MTMR7: variants seen among roughly 807,000 people sequenced by gnomAD.
MTMR7 encodes the protein myotubularin related protein 7.
MTMR7 carries 76 observed loss-of-function variants against 81.2 expected under a neutral mutation model. The ratio of observed to expected loss-of-function variants is 0.94; its 90% CI spans 0.78 to 1.13. MTMR7 has a LOEUF of 1.13. MTMR7 is among the 50% of genes most tolerant of loss of function. The probability of loss-of-function intolerance (pLI) is 0.00; values close to 1 mark genes in which losing one functional copy is unlikely to be tolerated. For synonymous variants in MTMR7, 372 were observed against 289.8 expected, an observed-to-expected ratio of 1.28 and a Z score of -2.88; for missense variants, 1,044 against 820.0, an observed-to-expected ratio of 1.27 and a Z score of -3.34.
rs146970422 is a variant in MTMR7 at position 17,324,790 on chromosome 8, T to A, written c.865+6360A>T. Among the ~76,000 whole-genome samples, 712 of 152,230 alleles carry A rather than the reference T, an allele frequency of 4.7e-3. 3 individuals carry two copies. The highest frequency in any genetic ancestry group is 0.017 in the African/African-American group (690 of 41,518). On this transcript the variant is annotated intron_variant, in intron 7 of 13. Transcript: ENST00000180173. ...GAAACCTAGGCCAAGGTGCCAAATT[T>A]TGAGAAAGAAATGACTAGATTTTCA...
chr8:17,405,877 CA>C (rs1821567717), intron 1 of MTMR7, among the ~76,000 whole-genome samples: 1 of 38,708 alleles, frequency 2.6e-5, no homozygotes, highest in African/African-American at 4.8e-5. Flanking sequence ...CACACACACA[CA>C]CCACAGAGAA....
At chr8:17,348,045 C>T (rs1206353100) in intron 5 of MTMR7, among the ~76,000 whole-genome samples, 1 of 152,134 alleles carries the variant, frequency 6.6e-6, no homozygotes, top group Non-Finnish European at 1.5e-5. Flanking sequence ...GCCAGGCTAC[C>T]AGGCTAGGAC....
At chr8:17,340,712 AAATT>A (rs148090079) in intron 6 of MTMR7, among the ~76,000 whole-genome samples, 14,328 of 152,220 alleles carry the variant, frequency 0.094, 680 homozygotes, top group African/African-American at 0.11. Flanking sequence ...GAAAACTAAT[AAATT>A]AATACATACA....
chr8:17,327,382 C>T (rs923080193), intron 7 of MTMR7, among the ~76,000 whole-genome samples: 7 of 152,134 alleles, frequency 4.6e-5, no homozygotes, highest in African/African-American at 1.7e-4. Context: ...GTGATCCTCC[C>T]ACATCAGCTT....
chr8:17,386,438 C>T (rs546881591), intron 1 of MTMR7, among the ~76,000 whole-genome samples: 41 of 152,342 alleles, frequency 2.7e-4, no homozygotes, highest in Non-Finnish European at 4.7e-4. Flanking sequence ...GATTCCACCT[C>T]TATCTCCTAG....
intron 1 of MTMR7, among the ~76,000 whole-genome samples, chr8:17,405,648 A>G (rs1821556441): frequency 6.6e-6 from 1 of 152,200 alleles, no homozygotes; most frequent in South Asian, 2.1e-4. Flanking sequence ...CCTTGAAAAG[A>G]TAGTATAGAA....
intron 4 of MTMR7, among the ~76,000 whole-genome samples, chr8:17,357,653 C>T (rs931284036): frequency 2.0e-5 from 3 of 152,142 alleles, no homozygotes; most frequent in Non-Finnish European, 4.4e-5. Context: ...TTCCAAGAAC[C>T]TACTGACATT....
intron 10 of MTMR7, among the ~76,000 whole-genome samples, chr8:17,307,194 A>G (rs1817508341): frequency 6.6e-6 from 1 of 152,210 alleles, no homozygotes; most frequent in Admixed American, 6.5e-5. Flanking sequence ...AATTTACAAG[A>G]AAAAAACAAC....
At chr8:17,340,455 T>A (rs1399958140) in intron 6 of MTMR7, among the ~76,000 whole-genome samples, 1 of 152,228 alleles carries the variant, frequency 6.6e-6, no homozygotes, top group Non-Finnish European at 1.5e-5. Flanking sequence ...TTTCATTCTG[T>A]CATCTCATTC....
intron 9 of MTMR7, among the ~76,000 whole-genome samples, 171 bp downstream of exon 9, chr8:17,311,340 C>T (rs1213836986): frequency 6.6e-6 from 1 of 152,166 alleles, no homozygotes; most frequent in Non-Finnish European, 1.5e-5. Context: ...AAGCCTTCCC[C>T]TTTAATCTTG....
At chr8:17,396,389 G>A (rs939385303) in intron 1 of MTMR7, among the ~76,000 whole-genome samples, 1 of 152,236 alleles carries the variant, frequency 6.6e-6, no homozygotes, top group Non-Finnish European at 1.5e-5. Context: ...TAGTGACTAA[G>A]TTCACAGATT....
In MTMR7 at chr8:17,305,843, C is replaced by G; in HGVS notation, c.1266G>C (p.Arg422Ser). Residue 422 changes from arginine to serine, a missense_variant, in exon 11 of 14, where the codon AGG (arginine) becomes AGC (serine). Transcript: ENST00000180173. ...TGTGATGTTGAATGTGAATCAAAAA[C>G]CTCTCATTGAACTCAAAGGCACAGG... ...QFPCAFEFNE[R>S]FLIHIQHHIY... 6.2e-7 allele frequency: 1 copy of G among 1,613,638 alleles called. No homozygotes were observed. The highest frequency in any genetic ancestry group is 1.1e-5 in the South Asian group (1 of 91,068).
At position 17,364,130 on chromosome 8, in the gene MTMR7, C is replaced by T. The variant is rs549088323; in HGVS notation, c.311-2856G>A. On this transcript the variant is annotated intron_variant, in intron 3 of 13. Coordinates refer to ENST00000180173, the MANE Select transcript of MTMR7 (RefSeq NM_004686.5). ...CTGCAAGCTCCGCCTCCCGGGTTCA[C>T]GCCATTCTCCTGCCTCAGCCTCCGG... Among the ~76,000 whole-genome samples, 23 of 148,088 alleles carry T rather than the reference C, an allele frequency of 1.6e-4. No homozygotes were observed. The South Asian group carries it at 4.6e-3, about 30-fold the overall frequency.
chr8:17,343,354 C>T (rs544073199), intron 5 of MTMR7, among the ~76,000 whole-genome samples: 8 of 152,088 alleles, frequency 5.3e-5, no homozygotes, highest in South Asian at 4.2e-4. Flanking sequence ...CACTTGAACC[C>T]GACAGGCAGA....
intron 1 of MTMR7, among the ~76,000 whole-genome samples, chr8:17,382,147 C>T (rs13439418): frequency 0.056 from 8,599 of 152,236 alleles, 609 homozygotes; most frequent in African/African-American, 0.17. Flanking sequence ...ACTTTTGTGA[C>T]TTACTGAGGA....
At chr8:17,344,059 G>C (rs1267091390) in intron 5 of MTMR7, among the ~76,000 whole-genome samples, 4 of 152,068 alleles carry the variant, frequency 2.6e-5, no homozygotes, top group Non-Finnish European at 4.4e-5. Flanking sequence ...TATATGATAG[G>C]CACTATTATA....
At chr8:17,390,640 A>C (rs905855977) in intron 1 of MTMR7, among the ~76,000 whole-genome samples, 1 of 151,794 alleles carries the variant, frequency 6.6e-6, no homozygotes, top group East Asian at 2.0e-4. Flanking sequence ...GGTAATTTAT[A>C]AAGGAAAGAG....
chr8:17,407,470 G>T (rs927026974), intron 1 of MTMR7, among the ~76,000 whole-genome samples: 8 of 152,000 alleles, frequency 5.3e-5, no homozygotes, highest in Non-Finnish European at 8.8e-5. Context: ...CTTTGACACA[G>T]TAATTCCATC....
intron 6 of MTMR7, among the ~76,000 whole-genome samples, chr8:17,333,528 C>CACAGAGAT (rs779738691): frequency 6.6e-6 from 1 of 152,088 alleles, no homozygotes; most frequent in Non-Finnish European, 1.5e-5. Context: ...CACCACATAC[C>CACAGAGAT]ACAGAGATAC....
Sources: allele counts gnomAD v4.1 joint callset (sites outside exome capture counted in the v4.1 genomes callset), GRCh38; gene constraint gnomAD v4.1.1; transcripts MANE v1.5; gene names NCBI Gene and HGNC (gene_info 2026-07-23, HGNC 2026-07-21).